CEP112: variants seen among roughly 807,000 people sequenced by gnomAD.
The protein encoded by CEP112 is centrosomal protein 112, also known as centrosomal protein of 112 kDa.
CEP112 carries 127 observed loss-of-function variants against 153.0 expected under a neutral mutation model. The observed-to-expected ratio is 0.83, with a 90% CI of 0.72 to 0.96. CEP112 has a LOEUF of 0.96. Ranked by LOEUF, CEP112 falls within the 40% of genes least tolerant of loss-of-function variation. The pLI, the probability that CEP112 is intolerant of heterozygous loss-of-function variation, is 0.00. For synonymous variants in CEP112, 358 were observed against 374.4 expected, an observed-to-expected ratio of 0.96 and a Z score of 0.51; for missense variants, 1,089 against 1,101.2, an observed-to-expected ratio of 0.99 and a Z score of 0.16.
At chr17:66,108,532 T>A (rs937164752) in intron 6 of CEP112, among the ~76,000 whole-genome samples, 2 of 152,154 alleles carry the variant, frequency 1.3e-5, no homozygotes, top group Non-Finnish European at 2.9e-5. Flanking sequence ...TTACTGATCA[T>A]CAGATAAATG....
At chr17:65,721,984 C>T (rs1031741470) in intron 23 of CEP112, among the ~76,000 whole-genome samples, 1 of 152,196 alleles carries the variant, frequency 6.6e-6, no homozygotes, top group Non-Finnish European at 1.5e-5. Flanking sequence ...CAAGGAACCA[C>T]AGTAGAGGTG....
intron 12 of CEP112, among the ~76,000 whole-genome samples, chr17:66,030,915 G>A (rs547919073): frequency 1.3e-5 from 2 of 152,256 alleles, no homozygotes; most frequent in African/African-American, 4.8e-5. Flanking sequence ...TTAAGCATTA[G>A]ATAATATTAC....
chr17:66,069,781 T>A (rs2067244687), intron 9 of CEP112, 134 bp downstream of exon 9: 1 of 545,926 alleles, frequency 1.8e-6, no homozygotes, highest in Non-Finnish European at 3.2e-6. Context: ...ATTCCACTTA[T>A]AACAGAATGT....
chr17:66,052,148 CTT>C (rs1248931880), intron 12 of CEP112, among the ~76,000 whole-genome samples: 1 of 152,208 alleles, frequency 6.6e-6, no homozygotes, highest in Non-Finnish European at 1.5e-5. Context: ...ACTTACATGA[CTT>C]TTTGACTTTA....
chr17:66,157,821 G>A (rs772523319), intron 4 of CEP112, among the ~76,000 whole-genome samples: 4 of 151,956 alleles, frequency 2.6e-5, no homozygotes, highest in Non-Finnish European at 5.9e-5. Flanking sequence ...AGGGATCAAT[G>A]CAATAAGAAG....
intron 21 of CEP112, among the ~76,000 whole-genome samples, chr17:65,791,081 G>C (rs940059831): frequency 2.0e-5 from 3 of 151,928 alleles, no homozygotes; most frequent in Admixed American, 6.6e-5. Flanking sequence ...GGGGGGATTT[G>C]ATTAAGTCTA....
chr17:66,025,968 CCACACA>C (rs150059801), intron 16 of CEP112, among the ~76,000 whole-genome samples: 1 of 130,570 alleles, frequency 7.7e-6, no homozygotes, highest in Admixed American at 8.5e-5. Flanking sequence ...TATATATAGA[CCACACA>C]CACACACACC....
chr17:65,646,981 G>A (rs1300518885), intron 24 of CEP112, among the ~76,000 whole-genome samples: 1 of 152,002 alleles, frequency 6.6e-6, no homozygotes, highest in Non-Finnish European at 1.5e-5. Context: ...ATTTATATAC[G>A]ACCAACTGAA....
chr17:65,926,422 C>T lies in CEP112; in HGVS notation c.1980+1160G>A, dbSNP rs540692186. Among the ~76,000 whole-genome samples the T allele has an allele frequency of 4.6e-5, 7 of 152,204 alleles. No homozygotes were observed. The East Asian group carries it at 1.4e-3, about 29-fold the overall frequency. ...GTACCATCTTTTCTTCTTCATAAGT[C>T]ACTCTTCAGGCCGGGTGTGGTGGCT... On this transcript the variant is annotated intron_variant, in intron 19 of 26. Coordinates refer to ENST00000535342, the MANE Select transcript of CEP112 (RefSeq NM_001199165.4).
chr17:65,882,536 A>C (rs1156935954), intron 20 of CEP112, among the ~76,000 whole-genome samples: 1 of 152,272 alleles, frequency 6.6e-6, no homozygotes, highest in Non-Finnish European at 1.5e-5. Flanking sequence ...CCAGATCTAA[A>C]GCAATCTCTG....
chr17:66,148,121 A>C (rs1371960060), intron 4 of CEP112, among the ~76,000 whole-genome samples: 1 of 152,198 alleles, frequency 6.6e-6, no homozygotes, highest in Non-Finnish European at 1.5e-5. Flanking sequence ...GAGGCCGCAC[A>C]ATCATGGCAG....
chr17:66,038,282 A>G (rs1019426020), intron 12 of CEP112, among the ~76,000 whole-genome samples: 5 of 152,166 alleles, frequency 3.3e-5, no homozygotes, highest in African/African-American at 1.2e-4. Flanking sequence ...TTGTCAAACA[A>G]ATACTTTTGT....
intron 20 of CEP112, among the ~76,000 whole-genome samples, chr17:65,856,705 T>C (rs1374471379): frequency 1.3e-5 from 2 of 152,352 alleles, no homozygotes; most frequent in Middle Eastern, 3.4e-3. Context: ...CCAAATATTA[T>C]ACATTGTGCC....
rs2066625986 is a variant in CEP112 at position 66,055,120 on chromosome 17, G to A, written c.1075-1241C>T. Among the ~76,000 whole-genome samples, 3 of 152,158 alleles carry A rather than the reference G, an allele frequency of 2.0e-5. No individual in the cohort carries two copies. In the South Asian group the frequency reaches 6.2e-4, roughly 31 times the overall value. ...AAGAGAGAAAGGACAAATAGAGGCA[G>A]TGTGAACTCTTATTTGACTAGAAAG... On this transcript the variant is annotated intron_variant, in intron 11 of 26. Transcript: ENST00000535342.
At chr17:66,043,584 C>A (rs900662030) in intron 12 of CEP112, among the ~76,000 whole-genome samples, 4 of 152,144 alleles carry the variant, frequency 2.6e-5, no homozygotes, top group South Asian at 4.1e-4. Flanking sequence ...CTCAATAAAG[C>A]CGCCCACAGA....
rs117525469 is a variant in CEP112, at chr17:66,136,953, C to T, written c.471-4190G>A. ...GAGAAGCGGCTGTTTTTCAAATATG[C>T]AGACATTAACACAAAGGGTCAAGGA... On this transcript the variant is annotated intron_variant, in intron 4 of 26. Coordinates refer to ENST00000535342, the MANE Select transcript of CEP112 (RefSeq NM_001199165.4). 7.5e-3 allele frequency among the ~76,000 whole-genome samples: 1,142 copies of T among 152,146 alleles called. 6 individuals carry two copies. The highest frequency in any genetic ancestry group is 0.012 in the Non-Finnish European group (805 of 68,008).
At position 66,035,008 on chromosome 17, in the gene CEP112, A is replaced by ATT. The variant is rs1218978308; in HGVS notation, c.1219-4987_1219-4986dup. Reference sequence around the variant, plus strand: ...TATATATATACATATATATATATATATTTTTTTTTTTAGTAGAGATGGAGT... The same window carrying ATT: ...TATATATATACATATATATATATATATTTTTTTTTTTTTAGTAGAGATGGAGT... On this transcript the variant is annotated intron_variant, in intron 12 of 26. Coordinates refer to ENST00000535342, the MANE Select transcript of CEP112 (RefSeq NM_001199165.4). Among the ~76,000 whole-genome samples the ATT allele has an allele frequency of 2.5e-3, 180 of 72,278 alleles. 6 individuals carry two copies. Among genetic ancestry groups the ATT allele is most frequent in the African/African-American group, 6.3e-3 (143 of 22,644 alleles). The allele number at this position is 72,278 out of a possible 152,430, so 47.4% of individuals were successfully genotyped here.
intron 4 of CEP112, among the ~76,000 whole-genome samples, chr17:66,172,061 G>T (rs776491154): frequency 6.6e-6 from 1 of 152,076 alleles, no homozygotes. Context: ...CAATATACCC[G>T]TTTCAAAGGG....
intron 8 of CEP112, among the ~76,000 whole-genome samples, chr17:66,092,766 A>T (rs1598336238): frequency 1.3e-5 from 2 of 152,354 alleles, no homozygotes; most frequent in East Asian, 1.9e-4. Context: ...ATGAAGGATA[A>T]AAACCATATA....
Sources: allele counts gnomAD v4.1 joint callset (sites outside exome capture counted in the v4.1 genomes callset), GRCh38; gene constraint gnomAD v4.1.1; transcripts MANE v1.5; gene names NCBI Gene and HGNC (gene_info 2026-07-23, HGNC 2026-07-21).